The following USH2A variants were observed in gnomAD, a reference collection of about 807,000 sequenced individuals.
The protein encoded by USH2A is Usher syndrome 2A (autosomal recessive, mild).
In USH2A, 443 loss-of-function variants were observed where a neutral mutation model predicts 538.9. That is an observed-to-expected ratio of 0.82 (90% CI 0.76 to 0.89). The LOEUF (loss-of-function observed/expected upper bound fraction) is 0.89. USH2A is among the 40% of genes least tolerant of loss of function. The pLI, the probability that USH2A is intolerant of heterozygous loss-of-function variation, is 0.00. For synonymous variants in USH2A, 2,413 were observed against 2,273.5 expected (o/e 1.06, Z -1.75); for missense variants, 6,633 against 6,324.8 (o/e 1.05, Z -1.65).
At chr1:216,220,239 G>C (rs929943974) in intron 14 of USH2A, among the ~76,000 whole-genome samples, 2 of 151,490 alleles carry the variant, frequency 1.3e-5, no homozygotes, top group African/African-American at 4.9e-5. Flanking sequence ...CTCTCTATGG[G>C]GCCTCAGCTC....
chr1:216,355,401 G>A (rs2102696697), intron 4 of USH2A, among the ~76,000 whole-genome samples: 1 of 145,440 alleles, frequency 6.9e-6, no homozygotes, highest in East Asian at 2.0e-4. Context: ...TAGTATACAA[G>A]AAAACATTTA....
chr1:215,674,502 G>A lies in USH2A; in HGVS notation c.13409C>T (p.Pro4470Leu). The A allele has an allele frequency of 1.2e-6, 2 of 1,614,148 alleles. No individual in the cohort carries two copies. The highest frequency in any genetic ancestry group is 2.7e-5 in the African/African-American group (2 of 75,038). The change falls in exon 63 of 72, where the codon CCA (proline) becomes CTA (leucine). Residue 4470 changes from proline (P) to leucine (L), a missense_variant. Pro to Leu is a moderately conservative substitution (Grantham distance 98). Coordinates refer to ENST00000307340, the MANE Select transcript of USH2A (RefSeq NM_206933.4). ...TTCATAACTTCTGATCTGGCCATTTGGGTTTCTTGGAGGTTTCCAGGTGAT... is the reference window on the plus strand; with the variant it reads ...TTCATAACTTCTGATCTGGCCATTTAGGTTTCTTGGAGGTTTCCAGGTGAT... Reference protein sequence around the residue: ...IEITWKPPRNPNGQIRSYELR... With the variant: ...IEITWKPPRNLNGQIRSYELR...
chr1:215,886,987 A>G (rs1039351131), intron 41 of USH2A, among the ~76,000 whole-genome samples: 1 of 152,044 alleles, frequency 6.6e-6, no homozygotes, highest in Non-Finnish European at 1.5e-5. Context: ...CCTCCCGAGT[A>G]GCTGGGACTA....
chr1:216,002,260 A>G (rs966711507), intron 32 of USH2A, among the ~76,000 whole-genome samples: 1 of 152,160 alleles, frequency 6.6e-6, no homozygotes, highest in Non-Finnish European at 1.5e-5. Flanking sequence ...TCCTACCGAC[A>G]GGGCCAATCT....
intron 37 of USH2A, among the ~76,000 whole-genome samples, chr1:215,941,190 A>G (rs1431878867): frequency 6.6e-6 from 1 of 152,114 alleles, no homozygotes; most frequent in Non-Finnish European, 1.5e-5. Context: ...ATATTGCTGT[A>G]ATCCTAAAAC....
At chr1:216,407,902 G>C (rs1329577474) in intron 3 of USH2A, among the ~76,000 whole-genome samples, 1 of 151,282 alleles carries the variant, frequency 6.6e-6, no homozygotes, top group Non-Finnish European at 1.5e-5. Context: ...TACCATAGTG[G>C]CATTTTCAAG....
intron 40 of USH2A, among the ~76,000 whole-genome samples, chr1:215,895,659 C>T (rs1220762919): frequency 6.6e-6 from 1 of 152,158 alleles, no homozygotes; most frequent in Non-Finnish European, 1.5e-5. Flanking sequence ...TCCTTCATTG[C>T]CCTCTCCTCT....
intron 47 of USH2A, among the ~76,000 whole-genome samples, chr1:215,823,281 A>C (rs1663064687): frequency 1.3e-5 from 2 of 151,982 alleles, no homozygotes; most frequent in Non-Finnish European, 2.9e-5. Context: ...TTTCTCTTTC[A>C]TATTTGAAGG....
intron 69 of USH2A, among the ~76,000 whole-genome samples, chr1:215,636,744 C>T (rs1331121724): frequency 6.6e-6 from 1 of 152,028 alleles, no homozygotes; most frequent in Non-Finnish European, 1.5e-5. Flanking sequence ...TGCTTGGAGG[C>T]TGCCTTCAGG....
intron 61 of USH2A, among the ~76,000 whole-genome samples, chr1:215,723,460 C>A (rs1368131403): frequency 2.0e-5 from 3 of 152,218 alleles, no homozygotes; most frequent in African/African-American, 7.2e-5. Flanking sequence ...ATAAACAACT[C>A]TGGGGGGACC....
chr1:216,216,898 C>T (rs1354183387), intron 15 of USH2A, among the ~76,000 whole-genome samples: 2 of 151,762 alleles, frequency 1.3e-5, no homozygotes, highest in African/African-American at 2.4e-5. Flanking sequence ...ATTACAATAT[C>T]GATAAACAAC....
chr1:216,192,557 T>A (rs1481683761), intron 19 of USH2A, among the ~76,000 whole-genome samples: 1 of 151,350 alleles, frequency 6.6e-6, no homozygotes, highest in Non-Finnish European at 1.5e-5. Context: ...AAAAAATTAG[T>A]CAGGTGTAGT....
intron 3 of USH2A, among the ~76,000 whole-genome samples, chr1:216,399,652 C>T (rs2102758401): frequency 1.3e-5 from 2 of 152,240 alleles, no homozygotes; most frequent in Non-Finnish European, 2.9e-5. Flanking sequence ...CCACCCCTAC[C>T]CTGCAGCAAC....
intron 38 of USH2A, among the ~76,000 whole-genome samples, chr1:215,917,716 G>A (rs540429198): frequency 6.9e-6 from 1 of 145,566 alleles, no homozygotes; most frequent in Admixed American, 7.1e-5. Context: ...GGCTGAGATG[G>A]GCAGATTGCT....
At chr1:215,769,804 G>A (rs1413105265) in intron 55 of USH2A, among the ~76,000 whole-genome samples, 1 of 152,134 alleles carries the variant, frequency 6.6e-6, no homozygotes, top group Non-Finnish European at 1.5e-5. Flanking sequence ...AAATCAAGAG[G>A]AGTCAACATG....
intron 4 of USH2A, among the ~76,000 whole-genome samples, chr1:216,329,657 C>T (rs1179695825): frequency 6.6e-6 from 1 of 152,048 alleles, no homozygotes; most frequent in African/African-American, 2.4e-5. Flanking sequence ...CCACAACCTT[C>T]AGGCTCTCTC....
At chr1:215,938,336 G>A (rs1666557225) in intron 37 of USH2A, among the ~76,000 whole-genome samples, 1 of 152,032 alleles carries the variant, frequency 6.6e-6, no homozygotes, top group Non-Finnish European at 1.5e-5. Flanking sequence ...ACAGATTTTA[G>A]CTCTTCCTCC....
chr1:216,187,699 CTA>C (rs1229272984), intron 20 of USH2A, among the ~76,000 whole-genome samples: 1 of 151,762 alleles, frequency 6.6e-6, no homozygotes, highest in Admixed American at 6.6e-5. Flanking sequence ...CAAAAGTCTT[CTA>C]TAATATTATG....
At chr1:216,313,564 G>A (rs755314932) in intron 9 of USH2A, among the ~76,000 whole-genome samples, 6 of 151,796 alleles carry the variant, frequency 4.0e-5, no homozygotes, top group Admixed American at 6.6e-5. Flanking sequence ...TTTATTTAAC[G>A]CAGTAAATTT....
Sources: allele counts gnomAD v4.1 joint callset (sites outside exome capture counted in the v4.1 genomes callset), GRCh38; gene constraint gnomAD v4.1.1; transcripts MANE v1.5; gene names NCBI Gene and HGNC (gene_info 2026-07-23, HGNC 2026-07-21).